Variants in PHACTR1 observed in about 807,000 individuals in gnomAD.
PHACTR1 encodes the protein phosphatase and actin regulator 1.
In PHACTR1, 16 loss-of-function variants were observed where a neutral mutation model predicts 69.2. The observed-to-expected ratio is 0.23, with a 90% CI of 0.16 to 0.35. PHACTR1 has a LOEUF of 0.35. Among genes scored for constraint, PHACTR1 ranks in the 10% least tolerant of loss-of-function variants. The pLI, the probability that PHACTR1 is intolerant of heterozygous loss-of-function variation, is 1.00. For synonymous variants in PHACTR1, 312 were observed against 284.5 expected, an observed-to-expected ratio of 1.10 and a Z score of -0.97; for missense variants, 510 against 734.7, an observed-to-expected ratio of 0.69 and a Z score of 3.54.
chr6:12,744,793 G>T (rs988283463), intron 3 of PHACTR1, among the ~76,000 whole-genome samples: 4 of 152,214 alleles, frequency 2.6e-5, no homozygotes, highest in African/African-American at 9.6e-5. Context: ...CTAACAGTCT[G>T]TGGATTCTTA....
intron 4 of PHACTR1, among the ~76,000 whole-genome samples, chr6:12,792,840 C>CTTTTTTT: frequency 8.3e-6 from 1 of 120,418 alleles, no homozygotes; most frequent in Non-Finnish European, 1.7e-5. Context: ...TAAAGAGAAG[C>CTTTTTTT]TTTTTTTTTT....
chr6:13,135,009 A>C (rs532277027), intron 5 of PHACTR1, among the ~76,000 whole-genome samples: 1 of 152,262 alleles, frequency 6.6e-6, no homozygotes, highest in East Asian at 1.9e-4. Flanking sequence ...ATGAAATATG[A>C]AGAAAATTGC....
At chr6:13,190,754 A>G (rs1478444177) in intron 7 of PHACTR1, among the ~76,000 whole-genome samples, 1 of 151,696 alleles carries the variant, frequency 6.6e-6, no homozygotes, top group Non-Finnish European at 1.5e-5. Flanking sequence ...GATAATACAC[A>G]CCTACCCAGG....
At chr6:12,819,100 C>T (rs561459932) in intron 4 of PHACTR1, among the ~76,000 whole-genome samples, 34 of 152,280 alleles carry the variant, frequency 2.2e-4, no homozygotes, top group South Asian at 1.2e-3. Flanking sequence ...GGCATTCCAC[C>T]GCCAAAACCT....
At chr6:13,230,545 CAA>C (rs59473759) in intron 10 of PHACTR1, 1,331 of 93,628 alleles carry the variant, frequency 0.014, 16 homozygotes, top group African/African-American at 0.032. Flanking sequence ...GACTCTGTCT[CAA>C]AAAAAAAAAA....
chr6:13,053,061 T>TC (rs1806201248), intron 4 of PHACTR1, among the ~76,000 whole-genome samples: 1 of 152,206 alleles, frequency 6.6e-6, no homozygotes, highest in South Asian at 2.1e-4. Context: ...TCTGGTGGCC[T>TC]CTCCCTGTTT....
intron 4 of PHACTR1, among the ~76,000 whole-genome samples, chr6:12,811,649 T>G (rs1303304389): frequency 6.6e-6 from 1 of 152,244 alleles, no homozygotes; most frequent in East Asian, 1.9e-4. Flanking sequence ...TTGAGGCTGT[T>G]AGCCCAAATA....
At chr6:12,830,093 GAAAGAAAGAAAGAAAGAAAGA>G (rs1305908091) in intron 4 of PHACTR1, among the ~76,000 whole-genome samples, 1 of 4,734 alleles carries the variant, frequency 2.1e-4, no homozygotes, top group African/African-American at 4.5e-4. Flanking sequence ...AGGAAGGAGG[GAAAGAAAGAAAGAAAGAAAGA>G]AAGAAAGAAA....
intron 4 of PHACTR1, among the ~76,000 whole-genome samples, chr6:12,794,823 G>A (rs1036590001): frequency 6.6e-6 from 1 of 152,180 alleles, no homozygotes; most frequent in Non-Finnish European, 1.5e-5. Context: ...AGTGTGAGCA[G>A]CATAGGGATT....
intron 3 of PHACTR1, among the ~76,000 whole-genome samples, chr6:12,730,903 T>C (rs1026204633): frequency 1.3e-5 from 2 of 152,196 alleles, no homozygotes; most frequent in African/African-American, 4.8e-5. Flanking sequence ...GCTCCATCTA[T>C]GTCCTTGCAA....
At chr6:13,025,763 CATGT>C (rs1294835348) in intron 4 of PHACTR1, among the ~76,000 whole-genome samples, 3 of 150,482 alleles carry the variant, frequency 2.0e-5, no homozygotes, top group Admixed American at 6.6e-5. Context: ...GTTTTGGAAA[CATGT>C]ATGTATTGGC....
intron 4 of PHACTR1, among the ~76,000 whole-genome samples, chr6:12,776,800 A>C (rs1347619827): frequency 6.6e-6 from 1 of 152,228 alleles, no homozygotes; most frequent in African/African-American, 2.4e-5. Context: ...CTGCTCACTT[A>C]TAGATTGAGG....
At chr6:13,182,406 C>T in intron 6 of PHACTR1, 113 bp from the exon 7 acceptor site, 1 of 1,219,158 alleles carries the variant, frequency 8.2e-7, no homozygotes, top group Non-Finnish European at 1.2e-6. Flanking sequence ...ATGTTGGTTT[C>T]AGAGGCTGAC....
At chr6:13,047,630 C>T (rs1805282646) in intron 4 of PHACTR1, among the ~76,000 whole-genome samples, 1 of 151,308 alleles carries the variant, frequency 6.6e-6, no homozygotes, top group African/African-American at 2.4e-5. Context: ...CTCCAAAAAC[C>T]CTAGGAGCAT....
intron 3 of PHACTR1, 97 bp from the exon 4 acceptor site, chr6:12,749,547 C>G (rs747163541): frequency 2.4e-6 from 1 of 423,364 alleles, no homozygotes. Context: ...TCTCCCCTCC[C>G]CCTTCCCCTC....
At chr6:13,012,949 G>A (rs550702080) in intron 4 of PHACTR1, among the ~76,000 whole-genome samples, 1 of 152,358 alleles carries the variant, frequency 6.6e-6, no homozygotes, top group Admixed American at 6.5e-5. Context: ...ACTGAGGCAG[G>A]AGGATCGCTT....
intron 4 of PHACTR1, among the ~76,000 whole-genome samples, chr6:12,891,871 G>A (rs1351845448): frequency 6.6e-6 from 1 of 152,110 alleles, no homozygotes; most frequent in Non-Finnish European, 1.5e-5. Flanking sequence ...TCTTTTAAAC[G>A]CCCAAGCTCC....
chr6:13,214,082 T>C (rs776343242), intron 8 of PHACTR1: 1 of 152,158 alleles, frequency 6.6e-6, no homozygotes, highest in Non-Finnish European at 1.5e-5. Context: ...GGAGATACCA[T>C]GATCACGAAG....
intron 5 of PHACTR1, among the ~76,000 whole-genome samples, chr6:13,131,198 T>TAC (rs1416877299): frequency 3.2e-4 from 31 of 96,388 alleles, no homozygotes; most frequent in African/African-American, 1.4e-3. Context: ...CACACATATA[T>TAC]ATATACACAT....
Sources: allele counts gnomAD v4.1 joint callset (sites outside exome capture counted in the v4.1 genomes callset), GRCh38; gene constraint gnomAD v4.1.1; transcripts MANE v1.5; gene names NCBI Gene and HGNC (gene_info 2026-07-23, HGNC 2026-07-21).